ITIH5: variants seen among roughly 807,000 people sequenced by gnomAD.
The protein encoded by ITIH5 is inter-alpha-trypsin inhibitor heavy chain 5.
Under a neutral mutation model 77.5 loss-of-function variants are expected in ITIH5, and 65 were observed. The observed-to-expected ratio is 0.84, with a 90% CI of 0.69 to 1.03. The LOEUF (loss-of-function observed/expected upper bound fraction) is 1.03. Ranked by LOEUF, ITIH5 falls within the 50% of genes least tolerant of loss-of-function variation. The pLI is 0.00. For synonymous variants in ITIH5, 525 were observed against 494.3 expected (o/e 1.06, Z -0.82); for missense variants, 1,208 against 1,213.1 (o/e 1.00, Z 0.06).
intron 5 of ITIH5, among the ~76,000 whole-genome samples, chr10:7,623,929 A>C (rs1029381109): frequency 6.6e-6 from 1 of 152,186 alleles, no homozygotes; most frequent in Admixed American, 6.5e-5. Flanking sequence ...AAACAGCATC[A>C]TATAGATATG....
chr10:7,621,413 C>A (rs1833472367), intron 5 of ITIH5: 1 of 152,104 alleles, frequency 6.6e-6, no homozygotes, highest in African/African-American at 2.4e-5. Context: ...AGGAAGGATA[C>A]TGTATGATTA....
At chr10:7,627,530 T>C (rs12247269) in intron 5 of ITIH5, among the ~76,000 whole-genome samples, 30,468 of 152,188 alleles carry the variant, frequency 0.2, 3,402 homozygotes, top group Non-Finnish European at 0.25. Flanking sequence ...AGCTGTATTT[T>C]CAGTGGTTCT....
intron 5 of ITIH5, among the ~76,000 whole-genome samples, chr10:7,624,846 C>CAT (rs1225219515): frequency 0.016 from 1,796 of 112,600 alleles, 141 homozygotes; most frequent in African/African-American, 0.055. Flanking sequence ...TGTATATACA[C>CAT]ATATATATGT....
chr10:7,630,309 A>G (rs1168890253), intron 5 of ITIH5, among the ~76,000 whole-genome samples: 1 of 152,256 alleles, frequency 6.6e-6, no homozygotes, highest in Non-Finnish European at 1.5e-5. Context: ...CAGTGATATT[A>G]GGTTTTCAGC....
chr10:7,575,752 T>C (rs918587701), intron 10 of ITIH5, among the ~76,000 whole-genome samples: 2 of 152,172 alleles, frequency 1.3e-5, no homozygotes, highest in African/African-American at 2.4e-5. Flanking sequence ...AATTAAATTA[T>C]ACTACATAAC....
intron 13 of ITIH5, among the ~76,000 whole-genome samples, chr10:7,565,085 C>CACACATAGACTATATATATATATATAT (rs1564230783): frequency 7.7e-6 from 1 of 130,666 alleles, no homozygotes; most frequent in African/African-American, 3.2e-5. Context: ...TATATATATA[C>CACACATAGACTATATATATATATATAT]ACACACACAC....
intron 7 of ITIH5, among the ~76,000 whole-genome samples, chr10:7,612,871 T>C (rs1564260030): frequency 6.6e-6 from 1 of 152,194 alleles, no homozygotes; most frequent in Non-Finnish European, 1.5e-5. Context: ...AAAGAAGCCA[T>C]GGTTATTCTT....
At chr10:7,610,518 G>A (rs1023407388) in intron 7 of ITIH5, among the ~76,000 whole-genome samples, 1 of 152,226 alleles carries the variant, frequency 6.6e-6, no homozygotes, top group African/African-American at 2.4e-5. Context: ...GACGAGGGGA[G>A]CCAAGAACAT....
At chr10:7,615,186 G>A (rs1357776698) in intron 7 of ITIH5, among the ~76,000 whole-genome samples, 2 of 152,120 alleles carry the variant, frequency 1.3e-5, no homozygotes, top group Non-Finnish European at 2.9e-5. Context: ...GGCAGAGGTT[G>A]CATGCAGTGA....
intron 1 of ITIH5, among the ~76,000 whole-genome samples, 168 bp downstream of exon 1, chr10:7,666,635 G>A (rs1236659406): frequency 1.3e-5 from 2 of 152,120 alleles, no homozygotes; most frequent in African/African-American, 2.4e-5. Flanking sequence ...CAGGCACCGC[G>A]GCTCACACAG....
intron 7 of ITIH5, among the ~76,000 whole-genome samples, chr10:7,605,847 G>A (rs1833114184): frequency 6.6e-6 from 1 of 152,132 alleles, no homozygotes; most frequent in African/African-American, 2.4e-5. Context: ...CCCCTATCTA[G>A]CCCTTTACAG....
At chr10:7,571,735 C>T (rs1364530052) in intron 11 of ITIH5, 1 of 154,378 alleles carries the variant, frequency 6.5e-6, no homozygotes, top group Admixed American at 6.6e-5. Context: ...CACTTTAAAT[C>T]ATCTCTAGTT....
At chr10:7,622,857 CAAGGACTCTA>C (rs1161308900) in intron 5 of ITIH5, among the ~76,000 whole-genome samples, 1 of 152,162 alleles carries the variant, frequency 6.6e-6, no homozygotes, top group Non-Finnish European at 1.5e-5. Context: ...CCACATTCTC[CAAGGACTCTA>C]AAGAAAGTTA....
In ITIH5 at chr10:7,559,957, T is replaced by C. The variant is rs1165172658; in HGVS notation, c.*3126A>G. On this transcript the variant is annotated 3_prime_UTR_variant, in exon 14 of 14. Transcript: ENST00000397146. ...AGTTCCGACTGCCTGGTTCAAGCGA[T>C]TCTCCTGCCTCAGCCTCCCAAGTAG... 9.6e-6 allele frequency: 4 copies of C among 416,600 alleles called. No homozygotes were observed. The East Asian group carries it at 3.0e-4, about 31-fold the overall frequency. 25.8% of individuals were successfully genotyped at this position (416,600 alleles called of 1,614,324 possible). A position where few individuals can be genotyped will look rare whatever the true frequency, so the allele number is the denominator to read the frequency against.
intron 10 of ITIH5, among the ~76,000 whole-genome samples, chr10:7,575,247 T>C (rs2130954315): frequency 6.6e-6 from 1 of 152,318 alleles, no homozygotes; most frequent in South Asian, 2.1e-4. Context: ...AAATTATGAT[T>C]ATCTCCGTGT....
rs11255264 is a variant in ITIH5 at position 7,644,952 on chromosome 10, C to A, written c.136-2862G>T. On this transcript the variant is annotated intron_variant, in intron 2 of 13. Transcript: ENST00000397146. Reference sequence around the variant, plus strand: ...ATATATATATCACATATATATATATCACACATATATATATATATATCAAGC... The same window carrying A: ...ATATATATATCACATATATATATATAACACATATATATATATATATCAAGC... Among the ~76,000 whole-genome samples the A allele has an allele frequency of 2.5e-3, 7 of 2,766 alleles. 1 individual carries two copies. Among genetic ancestry groups the A allele is most frequent in the Non-Finnish European group, 7.8e-3 (6 of 772 alleles). The allele number at this position is 2,766 out of a possible 152,430, so 1.8% of individuals were successfully genotyped here.
Position 7,629,189 on chromosome 10 carries a change from ATGTGTCCCTGTTGTAGCG to A in ITIH5, c.652+8021_652+8038del, listed in dbSNP as rs1564269497. Among the ~76,000 whole-genome samples the A allele has an allele frequency of 2.0e-4, 22 of 110,134 alleles. 1 individual carries two copies. The East Asian group carries it at 2.5e-3, about 13-fold the overall frequency. The allele number at this position is 110,134 out of a possible 152,430, so 72.3% of individuals were successfully genotyped here. A position where few individuals can be genotyped will look rare whatever the true frequency, so the allele number is the denominator to read the frequency against. ...TTATCATATGTATCTGTGTTTTCAC[ATGTGTCCCTGTTGTAGCG>A]TGTGTCCCTGTTGTAGCGTGTGCCC... On this transcript the variant is annotated intron_variant, in intron 5 of 13. Transcript: ENST00000397146.
chr10:7,570,981 G>A (rs757845433), intron 11 of ITIH5, among the ~76,000 whole-genome samples: 16 of 152,128 alleles, frequency 1.1e-4, no homozygotes, highest in African/African-American at 2.9e-4. Flanking sequence ...CTGCATGCAC[G>A]CTGTGCACGG....
chr10:7,582,738 G>A (rs898930092), intron 8 of ITIH5, among the ~76,000 whole-genome samples: 1 of 152,200 alleles, frequency 6.6e-6, no homozygotes, highest in Non-Finnish European at 1.5e-5. Flanking sequence ...GCCAGGCACA[G>A]AAAGACCATC....
Sources: allele counts gnomAD v4.1 joint callset (sites outside exome capture counted in the v4.1 genomes callset), GRCh38; gene constraint gnomAD v4.1.1; transcripts MANE v1.5; gene names NCBI Gene and HGNC (gene_info 2026-07-23, HGNC 2026-07-21).